GCC2: variants seen among roughly 807,000 people sequenced by gnomAD.
GCC2 encodes the protein GRIP and coiled-coil domain-containing protein 2.
In GCC2, 120 loss-of-function variants were observed where a neutral mutation model predicts 210.6. That is an observed-to-expected ratio of 0.57 (90% CI 0.49 to 0.66). The LOEUF (loss-of-function observed/expected upper bound fraction) is 0.66, where lower values mean the gene tolerates loss of function less well. Among genes scored for constraint, GCC2 ranks in the 30% least tolerant of loss-of-function variants. The pLI, the probability that GCC2 is intolerant of heterozygous loss-of-function variation, is 0.00. For missense variants in GCC2, 1,868 were observed against 1,871.9 expected, an observed-to-expected ratio of 1.00 and a Z score of 0.04; for synonymous variants, 703 against 652.7, an observed-to-expected ratio of 1.08 and a Z score of -1.17.
At chr2:108,481,889 A>T in intron 10 of GCC2, 73 bp downstream of exon 10, 2 of 1,140,870 alleles carry the variant, frequency 1.8e-6, no homozygotes, top group South Asian at 1.7e-5. Context: ...TTGCATAAAA[A>T]ATTTAAAAAA....
chr2:108,454,492 C>T (rs149756446), intron 4 of GCC2, among the ~76,000 whole-genome samples: 7 of 152,228 alleles, frequency 4.6e-5, no homozygotes, highest in African/African-American at 1.2e-4. Flanking sequence ...TGTACTGTTT[C>T]ATTTAAGTAT....
chr2:108,482,437 G>T lies in GCC2; in HGVS notation c.3331G>T (p.Glu1111Ter), dbSNP rs1681908838. 1 of 1,544,672 alleles carries T rather than the reference G, an allele frequency of 6.5e-7. No homozygotes were observed. The highest frequency in any genetic ancestry group is 8.9e-7 in the Non-Finnish European group (1 of 1,122,620). Residue 1111 changes from glutamate to a stop codon, truncating the protein, a stop_gained, in exon 11 of 23, where the codon GAA becomes TAA. Coordinates refer to ENST00000309863, the MANE Select transcript of GCC2 (RefSeq NM_181453.4). LOFTEE classifies it high-confidence loss of function. ...ATTAGAAGCTGAAAAACTTCAGAAA[G>T]AACAGAAGATAAAGGTAAAAACAAT... ...KELEAEKLQKEQKIKEHATTV... is the reference protein window; with the variant it reads ...KELEAEKLQK
Position 108,470,849 on chromosome 2 carries a change from CAATG to C in GCC2, c.1523_1526del (p.Met508SerfsTer29), listed in dbSNP as rs776384329. 1 of 1,613,686 alleles carries C rather than the reference CAATG, an allele frequency of 6.2e-7. No homozygotes were observed. Among genetic ancestry groups the C allele is most frequent in the East Asian group, 2.2e-5 (1 of 44,856 alleles). ...GGAAAAATAAGTCAAGAGTTCGAAT[CAATG>C]AAGCAACAGCAAGCATCTGATGTTC... On this transcript the variant is annotated frameshift_variant, in exon 6 of 23. Coordinates refer to ENST00000309863, the MANE Select transcript of GCC2 (RefSeq NM_181453.4). LOFTEE classifies it high-confidence loss of function.
At chr2:108,487,049 G>T (rs2104487275) in intron 16 of GCC2, among the ~76,000 whole-genome samples, 1 of 152,292 alleles carries the variant, frequency 6.6e-6, no homozygotes. Context: ...TGTGTTAGAT[G>T]CAGGTCTTAT....
At chr2:108,467,562 G>A (rs937325015) in intron 4 of GCC2, among the ~76,000 whole-genome samples, 7 of 152,240 alleles carry the variant, frequency 4.6e-5, no homozygotes, top group African/African-American at 1.4e-4. Context: ...CTCCCAAAGT[G>A]TTGGGATTGC....
At chr2:108,475,706 T>TAAA in intron 8 of GCC2, 46 bp from the exon 9 acceptor site, 1 of 1,397,802 alleles carries the variant, frequency 7.2e-7, no homozygotes, top group Admixed American at 2.1e-5. Context: ...TTCTATCCAT[T>TAAA]AAAAAAAAAC....
In GCC2 at chr2:108,469,053, A is replaced by G. The variant is rs772082347; in HGVS notation, c.290A>G (p.Lys97Arg). The part of the protein sequence containing the change: ...ETEQQCLSLK[K>R]ENIKMKQEVE... ...GAGCAACAGTGTCTTTCTCTGAAAAAGGAAAATATAAAAATGAAGCAAGAG... is the reference window on the plus strand; with the variant it reads ...GAGCAACAGTGTCTTTCTCTGAAAAGGGAAAATATAAAAATGAAGCAAGAG... The change falls in exon 5 of 23, where the codon AAG (lysine) becomes AGG (arginine). Residue 97 changes from lysine (K) to arginine (R), a missense_variant. This residue lies in a region of GCC2 where 1,847 missense variants were observed against 1,765.2 expected (regional missense o/e 1.05). Coordinates refer to ENST00000309863, the MANE Select transcript of GCC2 (RefSeq NM_181453.4). 2 of 1,611,092 alleles carry G rather than the reference A, an allele frequency of 1.2e-6. No individual in the cohort carries two copies. Among genetic ancestry groups the G allele is most frequent in the South Asian group, 2.2e-5 (2 of 91,018 alleles).
intron 17 of GCC2, 80 bp downstream of exon 17, chr2:108,487,900 ATTT>A (rs1008834430): frequency 0.02 from 12,903 of 637,212 alleles, no homozygotes; most frequent in East Asian, 0.024. Context: ...TCCTATTATG[ATTT>A]TTTTTTTTTT....
chr2:108,481,097 T>C (rs1387340605), intron 9 of GCC2, among the ~76,000 whole-genome samples: 3 of 152,178 alleles, frequency 2.0e-5, no homozygotes, highest in Non-Finnish European at 4.4e-5. Flanking sequence ...CCTAATTAGC[T>C]TGTGTGTGGC....
In GCC2 at chr2:108,492,762, C is replaced by A. The variant is rs1216036588; in HGVS notation, c.4419C>A (p.Phe1473Leu). ...TCTCCAAGATGGAAGCACAGCTCTT[C>A]CAGCTTAAGAATGAACCGACCACAA... ...QQLSKMEAQL[F>L]QLKNEPTTRS... The change falls in exon 19 of 23, where the codon TTC becomes TTA. Residue 1473 changes from phenylalanine to leucine, a missense_variant. Physicochemically the swap from Phe to Leu is conservative, Grantham distance 22. Around this residue, in one of 3 missense-constraint regions of GCC2, gnomAD observed 1,847 missense variants for 1,765.2 expected, o/e 1.05. Coordinates refer to ENST00000309863, the MANE Select transcript of GCC2 (RefSeq NM_181453.4). 2.5e-6 allele frequency: 4 copies of A among 1,613,338 alleles called. No individual in the cohort carries two copies. The highest frequency in any genetic ancestry group is 3.4e-6 in the Non-Finnish European group (4 of 1,179,284).
rs1365606077 is a variant in GCC2, at chr2:108,506,390, A to G, written c.4985-1170A>G. Among the ~76,000 whole-genome samples, 4 of 152,036 alleles carry G rather than the reference A, an allele frequency of 2.6e-5. No homozygotes were observed. The East Asian group carries it at 7.7e-4, about 29-fold the overall frequency. On this transcript the variant is annotated intron_variant, in intron 22 of 22. Coordinates refer to ENST00000309863, the MANE Select transcript of GCC2 (RefSeq NM_181453.4). ...AAAATACTATGTACAGTGTGATTCT[A>G]CTTATATGACACTCTGAAAAAAGCA...
chr2:108,501,037 C>G (rs1682900039), intron 22 of GCC2, among the ~76,000 whole-genome samples: 1 of 151,982 alleles, frequency 6.6e-6, no homozygotes, highest in African/African-American at 2.4e-5. Flanking sequence ...GCTCTGTCAC[C>G]CTGGCTGGAG....
intron 21 of GCC2, among the ~76,000 whole-genome samples, chr2:108,498,502 T>C (rs1420117448): frequency 2.6e-5 from 4 of 152,256 alleles, no homozygotes; most frequent in East Asian, 3.9e-4. Flanking sequence ...CCAAATGTTA[T>C]ATTTTCATAA....
intron 4 of GCC2, among the ~76,000 whole-genome samples, chr2:108,458,394 T>G (rs1250062635): frequency 2.3e-5 from 3 of 132,000 alleles, no homozygotes; most frequent in African/African-American, 8.4e-5. Flanking sequence ...TTTTTTTTTT[T>G]GCTGTGTCCT....
chr2:108,483,626 A>C (rs1455605557), intron 12 of GCC2, among the ~76,000 whole-genome samples: 1 of 152,206 alleles, frequency 6.6e-6, no homozygotes, highest in Non-Finnish European at 1.5e-5. Context: ...AAAAAATTGG[A>C]AATTTAACTT....
chr2:108,500,231 A>AG (rs1682850790), intron 22 of GCC2, among the ~76,000 whole-genome samples: 1 of 152,136 alleles, frequency 6.6e-6, no homozygotes, highest in Admixed American at 6.6e-5. Flanking sequence ...ACTGTGCCAT[A>AG]GGCCAGGTGC....
chr2:108,462,132 C>T (rs1286679275), intron 4 of GCC2, among the ~76,000 whole-genome samples: 8 of 147,880 alleles, frequency 5.4e-5, no homozygotes, highest in African/African-American at 1.7e-4. Flanking sequence ...CCACTGCACC[C>T]GGCCACTAAA....
chr2:108,482,713 G>A (rs1019811689), intron 11 of GCC2, among the ~76,000 whole-genome samples: 1 of 152,178 alleles, frequency 6.6e-6, no homozygotes, highest in African/African-American at 2.4e-5. Context: ...GTCTCGCTCT[G>A]TTGCCCAGGC....
At chr2:108,489,798 C>G in intron 17 of GCC2, 40 bp from the exon 18 acceptor site, 1 of 1,444,042 alleles carries the variant, frequency 6.9e-7, no homozygotes, top group Non-Finnish European at 9.4e-7. Flanking sequence ...TCAAATTCAC[C>G]TTTTTCAAAA....
Sources: allele counts gnomAD v4.1 joint callset (sites outside exome capture counted in the v4.1 genomes callset), GRCh38; gene constraint gnomAD v4.1.1; regional missense constraint gnomAD v4.1.1; transcripts MANE v1.5; gene names NCBI Gene and HGNC (gene_info 2026-07-23, HGNC 2026-07-21).